The following PIGL variants were observed in gnomAD, a reference collection of about 807,000 sequenced individuals.
PIGL encodes the protein N-acetylglucosaminyl-phosphatidylinositol de-N-acetylase.
Under a neutral mutation model 31.1 loss-of-function variants are expected in PIGL, and 22 were observed. That is an observed-to-expected ratio of 0.71 (90% confidence interval 0.51 to 1.01). The LOEUF (loss-of-function observed/expected upper bound fraction) is 1.01, where lower values mean the gene tolerates loss of function less well. Ranked by LOEUF, PIGL falls within the 50% of genes least tolerant of loss-of-function variation. The probability of loss-of-function intolerance (pLI) is 0.00; values close to 1 mark genes in which losing one functional copy is unlikely to be tolerated. For synonymous variants in PIGL, 131 were observed against 117.4 expected (o/e 1.12, Z -0.75); for missense variants, 302 against 315.9 (o/e 0.96, Z 0.33).
intron 2 of PIGL, among the ~76,000 whole-genome samples, chr17:16,263,408 G>A (rs1428616107): frequency 6.6e-6 from 1 of 152,034 alleles, no homozygotes; most frequent in African/African-American, 2.4e-5. Context: ...TCAAACTCAT[G>A]ACTGCAAGCG....
At chr17:16,258,606 C>T (rs1301930602) in intron 2 of PIGL, among the ~76,000 whole-genome samples, 2 of 152,048 alleles carry the variant, frequency 1.3e-5, no homozygotes, top group Non-Finnish European at 2.9e-5. Context: ...CGGGCCCAAG[C>T]GATTCTCCTG....
chr17:16,220,222 C>T (rs1340095344), intron 1 of PIGL, among the ~76,000 whole-genome samples: 2 of 151,870 alleles, frequency 1.3e-5, no homozygotes, highest in African/African-American at 4.8e-5. Flanking sequence ...GTGGTCCACG[C>T]CTGTAGTCCC....
intron 2 of PIGL, among the ~76,000 whole-genome samples, chr17:16,286,504 A>G (rs1440001540): frequency 2.0e-5 from 3 of 152,206 alleles, no homozygotes; most frequent in African/African-American, 7.2e-5. Flanking sequence ...TAGAATGTGT[A>G]GGAAAGGTCA....
At chr17:16,276,880 T>A (rs928726271) in intron 2 of PIGL, among the ~76,000 whole-genome samples, 1 of 152,280 alleles carries the variant, frequency 6.6e-6, no homozygotes, top group Non-Finnish European at 1.5e-5. Context: ...CTTGGCCTCA[T>A]TATTTGTATA....
intron 2 of PIGL, among the ~76,000 whole-genome samples, chr17:16,259,195 A>T (rs944912283): frequency 2.6e-5 from 4 of 151,980 alleles, no homozygotes; most frequent in Non-Finnish European, 4.4e-5. Flanking sequence ...TAATGGAAGG[A>T]TGAGTAGGCT....
At position 16,311,467 on chromosome 17, in the gene PIGL, C is replaced by CT. The variant is rs778072602; in HGVS notation, c.427-2066dup. On this transcript the variant is annotated intron_variant, in intron 3 of 6. Transcript: ENST00000225609. ...AGCCCAAAGCACAGAGGTTTTCTTT[C>CT]TTTTTTTTTTTTTTGATCATTCTTG... Among the ~76,000 whole-genome samples the CT allele has an allele frequency of 4.2e-4, 8 of 18,976 alleles. 2 individuals carry two copies. The highest frequency in any genetic ancestry group is 1.5e-3 in the African/African-American group (5 of 3,412). 12.4% of individuals were successfully genotyped at this position (18,976 alleles called of 152,430 possible).
chr17:16,242,178 T>C (rs1314117174), intron 2 of PIGL, among the ~76,000 whole-genome samples: 1 of 152,052 alleles, frequency 6.6e-6, no homozygotes, highest in East Asian at 1.9e-4. Flanking sequence ...CTCAGCCTCC[T>C]AAGTAGCTAG....
intron 3 of PIGL, among the ~76,000 whole-genome samples, chr17:16,304,528 TGGGA>T (rs2093018716): frequency 6.6e-6 from 1 of 152,060 alleles, no homozygotes; most frequent in Admixed American, 6.6e-5. Context: ...GAGGCTGAGG[TGGGA>T]GGATCACTTG....
chr17:16,247,130 G>A (rs2092752028), intron 2 of PIGL, among the ~76,000 whole-genome samples: 1 of 152,120 alleles, frequency 6.6e-6, no homozygotes, highest in East Asian at 1.9e-4. Context: ...AAGGCTACAA[G>A]TTTTATTGGA....
intron 1 of PIGL, among the ~76,000 whole-genome samples, chr17:16,221,517 T>C: frequency 6.6e-6 from 1 of 151,704 alleles, no homozygotes; most frequent in East Asian, 1.9e-4. Context: ...TGGCGCAATC[T>C]TGGGTCACTG....
chr17:16,268,551 C>T (rs1421612254), intron 2 of PIGL, among the ~76,000 whole-genome samples: 1 of 152,142 alleles, frequency 6.6e-6, no homozygotes, highest in Non-Finnish European at 1.5e-5. Flanking sequence ...TGGGTTCAAG[C>T]GATTCTCCTA....
intron 3 of PIGL, among the ~76,000 whole-genome samples, chr17:16,310,642 T>A (rs1381156758): frequency 6.6e-6 from 1 of 152,246 alleles, no homozygotes; most frequent in Middle Eastern, 3.4e-3. Context: ...GTTCAGGCGA[T>A]TCTCCTGCCT....
At chr17:16,242,564 A>T (rs555401190) in intron 2 of PIGL, among the ~76,000 whole-genome samples, 2 of 151,774 alleles carry the variant, frequency 1.3e-5, no homozygotes, top group African/African-American at 4.8e-5. Context: ...TGATTCCCTA[A>T]AGTTTTGTAG....
At chr17:16,218,622 G>C (rs2092610286) in intron 1 of PIGL, among the ~76,000 whole-genome samples, 1 of 147,134 alleles carries the variant, frequency 6.8e-6, no homozygotes, top group South Asian at 2.1e-4. Flanking sequence ...AAAATTGGCT[G>C]TTTTTAGGCT....
chr17:16,286,480 C>T (rs1334168126), intron 2 of PIGL, among the ~76,000 whole-genome samples: 1 of 152,152 alleles, frequency 6.6e-6, no homozygotes, highest in Non-Finnish European at 1.5e-5. Flanking sequence ...AATGTGCCGG[C>T]CAGTGTGACT....
intron 2 of PIGL, among the ~76,000 whole-genome samples, chr17:16,235,297 C>T (rs918919224): frequency 2.6e-5 from 4 of 152,140 alleles, no homozygotes; most frequent in African/African-American, 9.7e-5. Flanking sequence ...AAGGACCACA[C>T]ATTATAGTTG....
chr17:16,249,366 C>G (rs1299546935), intron 2 of PIGL, among the ~76,000 whole-genome samples: 1 of 152,142 alleles, frequency 6.6e-6, no homozygotes, highest in Non-Finnish European at 1.5e-5. Flanking sequence ...GTAGTCCCAG[C>G]TACTCGGGAG....
chr17:16,274,780 T>G (rs2092887268), intron 2 of PIGL, among the ~76,000 whole-genome samples: 1 of 141,616 alleles, frequency 7.1e-6, no homozygotes. Flanking sequence ...TCCTGTAATA[T>G]CAGCGTTTTA....
At chr17:16,272,875 C>G (rs1248014637) in intron 2 of PIGL, among the ~76,000 whole-genome samples, 1 of 152,152 alleles carries the variant, frequency 6.6e-6, no homozygotes, top group Non-Finnish European at 1.5e-5. Context: ...CTCTATGATT[C>G]TCAGTGTTCG....
Sources: allele counts gnomAD v4.1 joint callset (sites outside exome capture counted in the v4.1 genomes callset), GRCh38; gene constraint gnomAD v4.1.1; transcripts MANE v1.5; gene names NCBI Gene and HGNC (gene_info 2026-07-23, HGNC 2026-07-21).